RADIL: variants seen among roughly 807,000 people sequenced by gnomAD.
RADIL encodes Rap associating with DIL domain.
Under a neutral mutation model 97.6 loss-of-function variants are expected in RADIL, and 99 were observed. The observed-to-expected ratio is 1.01, with a 90% CI of 0.86 to 1.20. The LOEUF (loss-of-function observed/expected upper bound fraction) is 1.20, where lower values mean the gene tolerates loss of function less well. RADIL is among the 50% of genes most tolerant of loss of function. RADIL has a pLI of 0.00. For missense variants in RADIL, 1,765 were observed against 1,498.9 expected (o/e 1.18, Z -2.93); for synonymous variants, 803 against 691.8 (o/e 1.16, Z -2.52).
intron 13 of RADIL, 66 bp downstream of exon 13, chr7:4,800,105 G>A (rs915191768): frequency 1.4e-5 from 22 of 1,546,974 alleles, no homozygotes; most frequent in Non-Finnish European, 1.9e-5. Flanking sequence ...CTGCGGCCAG[G>A]CTTGCATGAA....
chr7:4,820,528 G>T (rs1583280464), intron 6 of RADIL, among the ~76,000 whole-genome samples: 1 of 152,234 alleles, frequency 6.6e-6, no homozygotes, highest in Non-Finnish European at 1.5e-5. Context: ...GCCAGGAGGG[G>T]TTGACACTAC....
At chr7:4,877,467 G>C in intron 2 of RADIL, 138 bp downstream of exon 2, 2 of 935,090 alleles carry the variant, frequency 2.1e-6, no homozygotes, top group South Asian at 1.7e-5. Context: ...CAAACATCCA[G>C]GACACGGGCT....
intron 4 of RADIL, among the ~76,000 whole-genome samples, chr7:4,832,983 G>A (rs3793142): frequency 0.058 from 8,767 of 152,224 alleles, 278 homozygotes; most frequent in East Asian, 0.12. Flanking sequence ...GCAGGGGGAA[G>A]AGGTGGACTC....
Position 4,866,729 on chromosome 7 carries a change from C to T in RADIL, c.535+10876G>A, listed in dbSNP as rs544438409. Among the ~76,000 whole-genome samples, 7 of 152,270 alleles carry T rather than the reference C, an allele frequency of 4.6e-5. No individual in the cohort carries two copies. In the East Asian group the frequency reaches 1.2e-3, roughly 25 times the overall value. ...TCAGTGAGGGGTGAGGAGAGCAGCA[C>T]AGTCAGTGCTATGGTTTGGATGGGG... On this transcript the variant is annotated intron_variant, in intron 2 of 14. Coordinates refer to ENST00000399583, the MANE Select transcript of RADIL (RefSeq NM_018059.5).
At chr7:4,838,973 AT>A (rs1783375482) in intron 2 of RADIL, among the ~76,000 whole-genome samples, 2 of 152,230 alleles carry the variant, frequency 1.3e-5, no homozygotes, top group African/African-American at 4.8e-5. Context: ...GCACACGTAC[AT>A]TCAGCACCGC....
At chr7:4,802,186 G>T (rs1782111104) in intron 11 of RADIL, among the ~76,000 whole-genome samples, 191 bp from the exon 12 acceptor site, 1 of 152,198 alleles carries the variant, frequency 6.6e-6, no homozygotes, top group African/African-American at 2.4e-5. Context: ...AGCACAGCCT[G>T]CGCTGGGCCA....
chr7:4,863,209 C>T (rs866606861), intron 2 of RADIL, among the ~76,000 whole-genome samples: 1 of 152,220 alleles, frequency 6.6e-6, no homozygotes, highest in Non-Finnish European at 1.5e-5. Context: ...CACTTAAATA[C>T]TTATATTTCA....
In RADIL at chr7:4,822,932, C is replaced by A. The variant is rs1250120503; in HGVS notation, c.1455-378G>T. 6.6e-6 allele frequency among the ~76,000 whole-genome samples: 1 copy of A among 151,998 alleles called. No homozygotes were observed. Among genetic ancestry groups the A allele is most frequent in the South Asian group, 2.1e-4 (1 of 4,818 alleles). Reference sequence around the variant, plus strand: ...GTGTATGCGTGCATGGGGGTGGGGGCTGGTCCATGGTTTTCAGAACAAGAA... The same window carrying A: ...GTGTATGCGTGCATGGGGGTGGGGGATGGTCCATGGTTTTCAGAACAAGAA... On this transcript the variant is annotated intron_variant, in intron 5 of 14. Coordinates refer to ENST00000399583, the MANE Select transcript of RADIL (RefSeq NM_018059.5). This position sits in a 1 kb window ranked among gnomAD's most constrained non-coding sequence, Gnocchi z 5.3.
At position 4,806,767 on chromosome 7, in the gene RADIL, T is replaced by G. The variant is rs372689549; in HGVS notation, c.2140-1051A>C. 1.4e-4 allele frequency among the ~76,000 whole-genome samples: 22 copies of G among 152,348 alleles called. No homozygotes were observed. In the East Asian group the frequency reaches 2.3e-3, roughly 16 times the overall value. The stretch of plus-strand genomic sequence containing the variant: ...GCTGGAACTGTCTTCACCTCCACCC[T>G]GGACTGGTCATCTGGCTGGCACAGA... On this transcript the variant is annotated intron_variant, in intron 9 of 14. Coordinates refer to ENST00000399583, the MANE Select transcript of RADIL (RefSeq NM_018059.5).
At chr7:4,816,183 A>G in intron 8 of RADIL, 45 bp downstream of exon 8, 1 of 1,556,942 alleles carries the variant, frequency 6.4e-7, no homozygotes, top group Middle Eastern at 1.7e-4. Context: ...CGTCATGTCC[A>G]GGAATGTGAG....
chr7:4,837,762 ACAGACACGCTCTCTAAATG>A lies in RADIL; in HGVS notation c.536-1176_536-1158del. On this transcript the variant is annotated intron_variant, in intron 2 of 14. Transcript: ENST00000399583. This position sits in a 1 kb window ranked among gnomAD's most constrained non-coding sequence, Gnocchi z 5.6. The stretch of plus-strand genomic sequence containing the variant: ...TTAGAAGACTTAATATCTCATAAAT[ACAGACACGCTCTCTAAATG>A]CATGCTCTGGGAAAGCCAGCCGGCT... 1.2e-6 allele frequency: 1 copy of A among 867,138 alleles called. No homozygotes were observed. Among genetic ancestry groups the A allele is most frequent in the Non-Finnish European group, 1.4e-6 (1 of 722,570 alleles). 53.7% of individuals were successfully genotyped at this position (867,138 alleles called of 1,614,324 possible).
In RADIL at chr7:4,867,632, GTAAA is replaced by G. The variant is rs61202853; in HGVS notation, c.535+9969_535+9972del. 1.5e-4 allele frequency among the ~76,000 whole-genome samples: 22 copies of G among 151,556 alleles called. No homozygotes were observed. Among genetic ancestry groups the G allele is most frequent in the Admixed American group, 4.6e-4 (7 of 15,238 alleles). Reference sequence around the variant, plus strand: ...CTGTCTCTATTTTTAAAATAAATAAGTAAATAAATAAATAAATAAATAATGTAAT... The same window carrying G: ...CTGTCTCTATTTTTAAAATAAATAAGTAAATAAATAAATAAATAATGTAAT... On this transcript the variant is annotated intron_variant, in intron 2 of 14. Transcript: ENST00000399583. The surrounding 1 kb of genome is among the most constrained non-coding windows in gnomAD (Gnocchi z 4.1).
Position 4,822,530 on chromosome 7 carries a change from G to A in RADIL, c.1479C>T (p.Ser493=), listed in dbSNP as rs777903180. ...CTGGAACCAGATCAGCCATGGCGCA[G>A]CTGGCCAGCGAGATGGGCTCCTGGC... ...AQLQEPISLA[S]CAMADLVPDL... Residue 493 remains serine, a synonymous_variant, in exon 6 of 15, where the codon AGC becomes AGT. Coordinates refer to ENST00000399583, the MANE Select transcript of RADIL (RefSeq NM_018059.5). The surrounding 1 kb of genome is among the most constrained non-coding windows in gnomAD (Gnocchi z 5.3). 4 of 1,613,038 alleles carry A rather than the reference G, an allele frequency of 2.5e-6. No homozygotes were observed. In the South Asian group the frequency reaches 4.4e-5, roughly 18 times the overall value.
intron 2 of RADIL, among the ~76,000 whole-genome samples, chr7:4,845,946 C>G (rs1032186480): frequency 6.6e-6 from 1 of 152,036 alleles, no homozygotes; most frequent in African/African-American, 2.4e-5. Context: ...CCAGTTACCC[C>G]GGGAAGCTGT....
chr7:4,835,049 A>G lies in RADIL; in HGVS notation c.974T>C (p.Ile325Thr), dbSNP rs1783256758. The G allele has an allele frequency of 6.2e-7, 1 of 1,609,388 alleles. No individual in the cohort carries two copies. Among genetic ancestry groups the G allele is most frequent in the African/African-American group, 1.3e-5 (1 of 74,820 alleles). The stretch of plus-strand genomic sequence containing the variant: ...CCCCACCTCGGAGAAGTTGACGGAG[A>G]TGTGCGCCCCGGGGATGGGCTCCAG... ...LVLEPIPGAH[I>T]SVNFSEVGHR... is the part of the protein sequence containing the mutation. Residue 325 changes from isoleucine to threonine, a missense_variant, in exon 4 of 15, where the codon ATC (isoleucine) becomes ACC (threonine). Transcript: ENST00000399583. The surrounding 1 kb of genome is among the most constrained non-coding windows in gnomAD (Gnocchi z 5.8).
rs1400997124 is a variant in RADIL at position 4,819,614 on chromosome 7, G to T, written c.1616-2263C>A. ...GTGAGGCGGCGCGGGAGGGGCCTGG[G>T]TCAGAGCTTTGTACAAAACAGTGTT... On this transcript the variant is annotated intron_variant, in intron 6 of 14. Coordinates refer to ENST00000399583, the MANE Select transcript of RADIL (RefSeq NM_018059.5). The surrounding 1 kb of genome is among the most constrained non-coding windows in gnomAD (Gnocchi z 5.8). 1.3e-5 allele frequency among the ~76,000 whole-genome samples: 2 copies of T among 152,314 alleles called. No individual in the cohort carries two copies. The highest frequency in any genetic ancestry group is 2.9e-5 in the Non-Finnish European group (2 of 68,032).
At chr7:4,811,059 C>G (rs1782529581) in intron 9 of RADIL, 1 of 152,200 alleles carries the variant, frequency 6.6e-6, no homozygotes, top group African/African-American at 2.4e-5. Context: ...ATTGCTTGAA[C>G]CCAGGAGGTG....
chr7:4,878,658 C>T lies in RADIL; in HGVS notation c.-64-455G>A, dbSNP rs145903952. Among the ~76,000 whole-genome samples the T allele has an allele frequency of 5.3e-5, 8 of 152,360 alleles. No individual in the cohort carries two copies. The East Asian group carries it at 1.4e-3, about 26-fold the overall frequency. On this transcript the variant is annotated intron_variant, in intron 1 of 14. Transcript: ENST00000399583. This position sits in a 1 kb window ranked among gnomAD's most constrained non-coding sequence, Gnocchi z 4.1. Reference sequence around the variant, plus strand: ...GCCACCAGAGACCGAGAGGACTAAACGGGCTGGAGCGCCCTTCAAGGAAAG... The same window carrying T: ...GCCACCAGAGACCGAGAGGACTAAATGGGCTGGAGCGCCCTTCAAGGAAAG...
In RADIL at chr7:4,817,656, T is replaced by G. The variant is rs1052004029; in HGVS notation, c.1616-305A>C. Among the ~76,000 whole-genome samples, 5 of 152,146 alleles carry G rather than the reference T, an allele frequency of 3.3e-5. No individual in the cohort carries two copies. The highest frequency in any genetic ancestry group is 9.7e-5 in the African/African-American group (4 of 41,418). ...TCACTCCCACGTTCTGGATACGTTT[T>G]CTGTTACAACCAACTGCACCCAACA... On this transcript the variant is annotated intron_variant, in intron 6 of 14. Coordinates refer to ENST00000399583, the MANE Select transcript of RADIL (RefSeq NM_018059.5). The surrounding 1 kb of genome is among the most constrained non-coding windows in gnomAD (Gnocchi z 8.3).
Sources: gnomAD v4.1 joint callset for allele counts (sites outside exome capture counted in the v4.1 genomes callset) on GRCh38, gnomAD v4.1.1 for gene constraint, Gnocchi (gnomAD v3.1) non-coding constraint, MANE v1.5 for transcripts, NCBI Gene and HGNC (gene_info 2026-07-23, HGNC 2026-07-21) for gene names.